Variants in PLCH1 observed in about 807,000 individuals in gnomAD.
PLCH1 encodes 1-phosphatidylinositol 4,5-bisphosphate phosphodiesterase eta-1.
Under a neutral mutation model 126.7 loss-of-function variants are expected in PLCH1, and 60 were observed. The observed-to-expected ratio is 0.47, with a 90% CI of 0.38 to 0.59. PLCH1 has a LOEUF of 0.59. Ranked by LOEUF, PLCH1 falls within the 20% of genes least tolerant of loss-of-function variation. The pLI is 0.00. For synonymous variants in PLCH1, 719 were observed against 734.9 expected (o/e 0.98, Z 0.35); for missense variants, 1,723 against 2,040.0 (o/e 0.84, Z 2.99).
At chr3:155,725,963 T>A (rs1423702294) in intron 1 of PLCH1, among the ~76,000 whole-genome samples, 1 of 152,236 alleles carries the variant, frequency 6.6e-6, no homozygotes, top group Admixed American at 6.5e-5. Flanking sequence ...AAGTTATCCA[T>A]TATTTTCCTA....
At position 155,509,112 on chromosome 3, in the gene PLCH1, T is replaced by G. The variant is rs1442635799; in HGVS notation, c.1633-4486A>C. On this transcript the variant is annotated intron_variant, in intron 12 of 22. Coordinates refer to ENST00000460012, the MANE Select transcript of PLCH1 (RefSeq NM_014996.4). The stretch of plus-strand genomic sequence containing the variant: ...GTGTATGTGTCGAGGAATGTATCCA[T>G]TTCTTCTAGATTTTCTAGTTTATTT... Among the ~76,000 whole-genome samples the G allele has an allele frequency of 1.4e-5, 2 of 141,110 alleles. 1 individual carries two copies. The highest frequency in any genetic ancestry group is 5.8e-5 in the African/African-American group (2 of 34,216). 92.6% of individuals were successfully genotyped at this position (141,110 alleles called of 152,430 possible). A position where few individuals can be genotyped will look rare whatever the true frequency, so the allele number is the denominator to read the frequency against.
At chr3:155,537,540 AG>A (rs1480840518) in intron 10 of PLCH1, among the ~76,000 whole-genome samples, 2 of 152,138 alleles carry the variant, frequency 1.3e-5, no homozygotes, top group Non-Finnish European at 2.9e-5. Context: ...CTTAAAGTAA[AG>A]GGGTAGAAGA....
At chr3:155,697,067 T>G (rs1175374072) in intron 2 of PLCH1, among the ~76,000 whole-genome samples, 1 of 152,196 alleles carries the variant, frequency 6.6e-6, no homozygotes, top group East Asian at 1.9e-4. Context: ...ATAGAAAGCA[T>G]GACAGAGAGA....
At chr3:155,619,094 C>T (rs1736141475) in intron 2 of PLCH1, among the ~76,000 whole-genome samples, 1 of 148,156 alleles carries the variant, frequency 6.7e-6, no homozygotes. Context: ...CTCTTTTAGC[C>T]TCATGTCAAT....
intron 1 of PLCH1, among the ~76,000 whole-genome samples, chr3:155,731,477 G>A (rs1003732829): frequency 2.6e-5 from 4 of 152,242 alleles, no homozygotes; most frequent in Non-Finnish European, 4.4e-5. Flanking sequence ...CAGATGCAAC[G>A]TCTGCCCACC....
At chr3:155,454,374 T>C (rs937159521) in intron 21 of PLCH1, among the ~76,000 whole-genome samples, 14 of 152,110 alleles carry the variant, frequency 9.2e-5, no homozygotes, top group African/African-American at 3.1e-4. Flanking sequence ...GTGGTGCTAC[T>C]TGGGGGACTG....
chr3:155,687,987 T>C (rs566439248), intron 2 of PLCH1, among the ~76,000 whole-genome samples: 1 of 152,222 alleles, frequency 6.6e-6, no homozygotes, highest in East Asian at 1.9e-4. Context: ...AAATCCTTAC[T>C]GGATCTAAAT....
chr3:155,672,999 TAAAACTC>T (rs1743685422), intron 2 of PLCH1, among the ~76,000 whole-genome samples: 1 of 147,586 alleles, frequency 6.8e-6, no homozygotes, highest in African/African-American at 2.5e-5. Context: ...GAGCTCTTTC[TAAAACTC>T]AAATCTGATT....
intron 1 of PLCH1, among the ~76,000 whole-genome samples, chr3:155,734,150 T>C (rs79397617): frequency 0.016 from 2,491 of 152,024 alleles, 27 homozygotes; most frequent in South Asian, 0.039. Context: ...TAATACGGCA[T>C]GGAGGTTCCT....
rs527988724 is a variant in PLCH1, at chr3:155,481,441, C to G, written c.4585G>C (p.Glu1529Gln). The G allele has an allele frequency of 4.5e-5, 73 of 1,614,188 alleles. 1 individual carries two copies. The South Asian group carries it at 6.9e-4, about 15-fold the overall frequency. Residue 1529 changes from glutamate (E) to glutamine (Q), a missense_variant, in exon 23 of 23, where the codon GAG (glutamate) becomes CAG (glutamine). Glu to Gln is a conservative substitution (Grantham distance 29). Coordinates refer to ENST00000460012, the MANE Select transcript of PLCH1 (RefSeq NM_014996.4). This position sits in a 1 kb window ranked among gnomAD's most constrained non-coding sequence, Gnocchi z 4.2. ...KGVTVKTKSL[E>Q]PIDALTEQLR... is the part of the protein sequence containing the mutation. ...TGCTCGGTCAGGGCATCTATAGGCT[C>G]TAACGACTTTGTCTTCACAGTCACG... is the stretch of plus-strand genomic sequence containing the variant.
chr3:155,724,485 T>C (rs1311710628), intron 1 of PLCH1, among the ~76,000 whole-genome samples: 1 of 152,222 alleles, frequency 6.6e-6, no homozygotes, highest in African/African-American at 2.4e-5. Flanking sequence ...TCTTTTATCA[T>C]TGTATAATGT....
At chr3:155,718,747 C>T (rs1577363412) in intron 1 of PLCH1, among the ~76,000 whole-genome samples, 1 of 152,076 alleles carries the variant, frequency 6.6e-6, no homozygotes, top group African/African-American at 2.4e-5. Context: ...ACCCAAATAC[C>T]TCCCACCAGA....
chr3:155,482,989 A>G lies in PLCH1; in HGVS notation c.3037T>C (p.Phe1013Leu). 1 of 1,614,002 alleles carries G rather than the reference A, an allele frequency of 6.2e-7. No individual in the cohort carries two copies. Among genetic ancestry groups the G allele is most frequent in the African/African-American group, 1.3e-5 (1 of 75,026 alleles). ...GAGGAGGATGATAACTTTTTGTTGA[A>G]ATTTAGAAAATGTGGATCTTTTATA... ...ASIKDPHFLN[F>L]NKKLSSSSSA... Residue 1013 changes from phenylalanine to leucine, a missense_variant, in exon 23 of 23, where the codon TTC (phenylalanine) becomes CTC (leucine). Coordinates refer to ENST00000460012, the MANE Select transcript of PLCH1 (RefSeq NM_014996.4).
chr3:155,551,070 A>G (rs927563561), intron 9 of PLCH1, among the ~76,000 whole-genome samples: 1 of 152,162 alleles, frequency 6.6e-6, no homozygotes, highest in African/African-American at 2.4e-5. Context: ...CAGCAACAAC[A>G]AACTGACAAC....
chr3:155,512,492 T>C (rs1044367214), intron 12 of PLCH1, among the ~76,000 whole-genome samples: 1 of 152,276 alleles, frequency 6.6e-6, no homozygotes, highest in Middle Eastern at 3.4e-3. Flanking sequence ...CTACCTGGAT[T>C]TGAGGATTAA....
At chr3:155,611,778 C>A (rs1398722633) in intron 2 of PLCH1, among the ~76,000 whole-genome samples, 1 of 152,122 alleles carries the variant, frequency 6.6e-6, no homozygotes, top group Non-Finnish European at 1.5e-5. Flanking sequence ...TGAAAAAAGT[C>A]TCAACAAATT....
intron 2 of PLCH1, among the ~76,000 whole-genome samples, chr3:155,638,262 C>T (rs1445859732): frequency 6.6e-6 from 1 of 152,158 alleles, no homozygotes; most frequent in Non-Finnish European, 1.5e-5. Flanking sequence ...GGAGGGGTCT[C>T]CCACTATTCT....
At chr3:155,592,229 A>G (rs574829011) in intron 4 of PLCH1, among the ~76,000 whole-genome samples, 51 of 151,036 alleles carry the variant, frequency 3.4e-4, no homozygotes, top group South Asian at 1.3e-3. Flanking sequence ...TTACGCCTGT[A>G]ATCCCAGCAC....
At chr3:155,514,294 C>T (rs1248395077) in intron 12 of PLCH1, among the ~76,000 whole-genome samples, 1 of 152,182 alleles carries the variant, frequency 6.6e-6, no homozygotes, top group Non-Finnish European at 1.5e-5. Flanking sequence ...GCAGAGTGAT[C>T]ACTTAGGATC....
Sources: gnomAD v4.1 joint callset for allele counts (sites outside exome capture counted in the v4.1 genomes callset) on GRCh38, gnomAD v4.1.1 for gene constraint, Gnocchi (gnomAD v3.1) non-coding constraint, MANE v1.5 for transcripts, NCBI Gene and HGNC (gene_info 2026-07-23, HGNC 2026-07-21) for gene names.